Variants in ZNF705G observed in about 807,000 individuals in gnomAD.
ZNF705G encodes the protein zinc finger protein 705G, also known as putative zinc finger protein 705G.
ZNF705G carries 23 observed loss-of-function variants against 19.6 expected under a neutral mutation model. That is an observed-to-expected ratio of 1.17 (90% confidence interval 0.84 to 1.66). The LOEUF is 1.66. ZNF705G is among the 40% of genes most tolerant of loss of function. ZNF705G has a pLI of 0.00. For missense variants in ZNF705G, 457 were observed against 354.4 expected (o/e 1.29, Z -2.32); for synonymous variants, 146 against 117.7 (o/e 1.24, Z -1.56).
At position 7,356,498 on chromosome 8, in the gene ZNF705G, A is replaced by T. The variant is rs1213214886; in HGVS notation, c.*1478T>A. ...GCTGCGGACACCCAAATGCATATAC[A>T]AGGTGTCTTTGATACAGCCTCCATT... On this transcript the variant is annotated 3_prime_UTR_variant, in exon 7 of 7. Coordinates refer to ENST00000400156, the MANE Select transcript of ZNF705G (RefSeq NM_001164457.3). 2.0e-5 allele frequency: 3 copies of T among 149,846 alleles called. No homozygotes were observed. Among genetic ancestry groups the T allele is most frequent in the Admixed American group, 6.6e-5 (1 of 15,242 alleles). 9.3% of individuals were successfully genotyped at this position (149,846 alleles called of 1,614,324 possible).
At chr8:7,360,162 C>G (rs539539341) in intron 5 of ZNF705G, 75 bp downstream of exon 5, 1 of 1,467,388 alleles carries the variant, frequency 6.8e-7, no homozygotes, top group African/African-American at 1.6e-5. Flanking sequence ...AATAAAACCA[C>G]TAATTAATAT....
At chr8:7,362,336 CT>C (rs1806641450) in intron 3 of ZNF705G, among the ~76,000 whole-genome samples, 1 of 149,644 alleles carries the variant, frequency 6.7e-6, no homozygotes, top group Admixed American at 6.6e-5. Context: ...TTTAGTTGTC[CT>C]TTCACAAAGT....
At chr8:7,383,913 GGAAGGAAGGAAGAAAA>G (rs1436259186) in intron 1 of ZNF705G, among the ~76,000 whole-genome samples, 7 of 141,816 alleles carry the variant, frequency 4.9e-5, no homozygotes. Flanking sequence ...GACTAAGGCA[GGAAGGAAGGAAGAAAA>G]GAAGGAAGGA....
chr8:7,360,596 G>A (rs116986676), intron 4 of ZNF705G, among the ~76,000 whole-genome samples: 5,548 of 148,624 alleles, frequency 0.037, 113 homozygotes, highest in Non-Finnish European at 0.056. Flanking sequence ...GTTCCAAGAC[G>A]CAATGCATAA....
At chr8:7,379,757 A>T (rs1186567720) in intron 2 of ZNF705G, among the ~76,000 whole-genome samples, 2 of 147,212 alleles carry the variant, frequency 1.4e-5, no homozygotes. Flanking sequence ...AGGCCCTGAG[A>T]CTGCTATAGG....
chr8:7,367,974 T>A (rs71260573), intron 2 of ZNF705G, among the ~76,000 whole-genome samples: 4,053 of 149,242 alleles, frequency 0.027, 110 homozygotes, highest in Middle Eastern at 0.09. Context: ...TGCAGTGAAC[T>A]TATCTACCTT....
intron 2 of ZNF705G, among the ~76,000 whole-genome samples, chr8:7,380,335 C>T (rs2128847631): frequency 6.8e-6 from 1 of 147,524 alleles, no homozygotes; most frequent in South Asian, 2.1e-4. Context: ...GGCTGGGGAT[C>T]AACCCACACT....
At position 7,357,342 on chromosome 8, in the gene ZNF705G, AT is replaced by A. The variant is rs1806320569; in HGVS notation, c.*633del. On this transcript the variant is annotated 3_prime_UTR_variant, in exon 7 of 7. Coordinates refer to ENST00000400156, the MANE Select transcript of ZNF705G (RefSeq NM_001164457.3). ...TGAAGGCTTTCCTCTCTTATTTTCC[AT>A]TTTAGCAGCATTTTGTCACTCTTCT... 6.6e-6 allele frequency: 1 copy of A among 152,646 alleles called. No homozygotes were observed. Among genetic ancestry groups the A allele is most frequent in the African/African-American group, 2.6e-5 (1 of 39,146 alleles). 9.5% of individuals were successfully genotyped at this position (152,646 alleles called of 1,614,324 possible).
chr8:7,375,921 A>G lies in ZNF705G; in HGVS notation c.-72+5531T>C, dbSNP rs200054626. Among the ~76,000 whole-genome samples the G allele has an allele frequency of 1.9e-4, 14 of 73,572 alleles. 1 individual carries two copies. The highest frequency in any genetic ancestry group is 9.8e-4 in the Admixed American group (6 of 6,102). 48.3% of individuals were successfully genotyped at this position (73,572 alleles called of 152,430 possible). On this transcript the variant is annotated intron_variant, in intron 2 of 6. Transcript: ENST00000400156. The stretch of plus-strand genomic sequence containing the variant: ...GTACTACCACAGAGGGATGTTCAAG[A>G]GTGATTTATCACATATCACAAGACA...
chr8:7,357,898 A>C lies in ZNF705G; in HGVS notation c.*78T>G. 6.3e-7 allele frequency: 1 copy of C among 1,582,816 alleles called. No individual in the cohort carries two copies. The highest frequency in any genetic ancestry group is 8.5e-7 in the Non-Finnish European group (1 of 1,170,686). ...CAGGGTGAATTTTCTGATGCTCTTTAAGATTAGTACATTGTCTGAAGGCTT... is the reference window on the plus strand; with the variant it reads ...CAGGGTGAATTTTCTGATGCTCTTTCAGATTAGTACATTGTCTGAAGGCTT... On this transcript the variant is annotated 3_prime_UTR_variant, in exon 7 of 7. Transcript: ENST00000400156.
chr8:7,383,135 T>TA (rs1807576410), intron 1 of ZNF705G, among the ~76,000 whole-genome samples: 1 of 149,966 alleles, frequency 6.7e-6, no homozygotes, highest in East Asian at 1.9e-4. Flanking sequence ...ATTTTTTTTT[T>TA]TTTTTTTTTT....
At position 7,360,107 on chromosome 8, in the gene ZNF705G, C is replaced by G. The variant is rs527721831; in HGVS notation, c.235+130G>C. ...AAATGATAATAACATCTAAGGAATTCTGCTCCAGTAGCCTAACCTACATTT... is the reference window on the plus strand; with the variant it reads ...AAATGATAATAACATCTAAGGAATTGTGCTCCAGTAGCCTAACCTACATTT... On this transcript the variant is annotated intron_variant, in intron 5 of 6. Transcript: ENST00000400156. The G allele has an allele frequency of 4.2e-5, 47 of 1,115,026 alleles. 1 individual carries two copies. The highest frequency in any genetic ancestry group is 6.1e-4 in the Middle Eastern group (2 of 3,300). 69.1% of individuals were successfully genotyped at this position (1,115,026 alleles called of 1,614,324 possible). A position where few individuals can be genotyped will look rare whatever the true frequency, so the allele number is the denominator to read the frequency against.
In ZNF705G at chr8:7,360,324, T is replaced by A; in HGVS notation, c.148A>T (p.Ile50Leu). Residue 50 changes from isoleucine to leucine, a missense_variant, in exon 5 of 7, where the codon ATA becomes TTA. Ile to Leu is a conservative substitution (Grantham distance 5). Coordinates refer to ENST00000400156, the MANE Select transcript of ZNF705G (RefSeq NM_001164457.3). ...TGCAAAATTATATAGGATTTGCTTA[T>A]CTGGTACCCTGTTAGTGGAAAGAAT... ...ISHLVSLGYQISKSYIILQLE... is the reference protein window; with the variant it reads ...ISHLVSLGYQLSKSYIILQLE... The A allele has an allele frequency of 6.3e-7, 1 of 1,588,950 alleles. No individual in the cohort carries two copies. Among genetic ancestry groups the A allele is most frequent in the Non-Finnish European group, 8.5e-7 (1 of 1,178,374 alleles).
At chr8:7,375,703 A>G (rs1424205960) in intron 2 of ZNF705G, among the ~76,000 whole-genome samples, 1 of 93,368 alleles carries the variant, frequency 1.1e-5, no homozygotes, top group Non-Finnish European at 2.1e-5. Context: ...AACATATTGC[A>G]AGTTAGAAAA....
rs547636129 is a variant in ZNF705G, at chr8:7,360,703, A to C, written c.140-371T>G. Among the ~76,000 whole-genome samples, 19 of 149,790 alleles carry C rather than the reference A, an allele frequency of 1.3e-4. 1 individual carries two copies. The highest frequency in any genetic ancestry group is 4.8e-4 in the African/African-American group (19 of 39,206). ...AAAAAAAAACATTCGATTTACAAAA[A>C]TAATTGGTGTTCTATATGGAAAAGA... On this transcript the variant is annotated intron_variant, in intron 4 of 6. Transcript: ENST00000400156.
intron 5 of ZNF705G, 111 bp from the exon 6 acceptor site, chr8:7,359,812 G>C: frequency 3.3e-6 from 5 of 1,507,012 alleles, no homozygotes; most frequent in Non-Finnish European, 4.5e-6. Flanking sequence ...GATGTGGCAA[G>C]TGTGTCAAAT....
intron 2 of ZNF705G, among the ~76,000 whole-genome samples, chr8:7,365,371 C>A (rs1369668416): frequency 1.4e-5 from 2 of 144,060 alleles, no homozygotes; most frequent in Non-Finnish European, 3.0e-5. Flanking sequence ...AGATGTCTCT[C>A]TCTATTTTTT....
chr8:7,384,803 ACTC>A, intron 1 of ZNF705G, among the ~76,000 whole-genome samples: 1 of 145,190 alleles, frequency 6.9e-6, no homozygotes, highest in South Asian at 2.1e-4. Flanking sequence ...TAATATAGAA[ACTC>A]CTCTGTCACT....
chr8:7,378,963 C>G (rs1251633503), intron 2 of ZNF705G, among the ~76,000 whole-genome samples: 4 of 149,050 alleles, frequency 2.7e-5, no homozygotes, highest in Non-Finnish European at 5.9e-5. Context: ...CCTACAACAG[C>G]CACTGAGTGC....
Sources: allele counts gnomAD v4.1 joint callset (sites outside exome capture counted in the v4.1 genomes callset), GRCh38; gene constraint gnomAD v4.1.1; transcripts MANE v1.5; gene names NCBI Gene and HGNC (gene_info 2026-07-23, HGNC 2026-07-21).